TASP1: variants seen among roughly 807,000 people sequenced by gnomAD.
TASP1 encodes the protein threonine aspartase 1.
A neutral mutation model predicts 56.6 loss-of-function variants in TASP1; 16 were observed. The observed-to-expected ratio is 0.28, with a 90% CI of 0.19 to 0.43. The LOEUF is 0.43. TASP1 is among the 20% of genes least tolerant of loss of function. The pLI is 1.00. For missense variants in TASP1, 393 were observed against 511.6 expected, an observed-to-expected ratio of 0.77 and a Z score of 2.24; for synonymous variants, 179 against 184.2, an observed-to-expected ratio of 0.97 and a Z score of 0.23.
the TASP1 span, among the ~76,000 whole-genome samples, chr20:13,304,246 A>G: frequency 6.6e-5 from 10 of 152,176 alleles, no homozygotes; most frequent in African/African-American, 2.4e-4. Flanking sequence ...GGGGTCCAGG[A>G]AGCAGAGATG....
At chr20:13,418,202 G>A (rs972598462) in intron 12 of TASP1, among the ~76,000 whole-genome samples, 3 of 152,086 alleles carry the variant, frequency 2.0e-5, no homozygotes, top group Non-Finnish European at 2.9e-5. Flanking sequence ...GTGAGCCACC[G>A]CACCCAGCCC....
the TASP1 span, among the ~76,000 whole-genome samples, chr20:13,362,833 A>ATATATATG: frequency 3.2e-5 from 4 of 126,086 alleles, no homozygotes; most frequent in Non-Finnish European, 6.6e-5. Context: ...ATATATATAT[A>ATATATATG]TATATTTGTC....
the TASP1 span, among the ~76,000 whole-genome samples, chr20:13,339,131 C>T: frequency 6.6e-6 from 1 of 152,128 alleles, no homozygotes. Context: ...GAGTTGAACA[C>T]GAGGTCACAT....
chr20:13,476,068 G>A (rs996450329), intron 11 of TASP1, among the ~76,000 whole-genome samples: 6 of 152,228 alleles, frequency 3.9e-5, no homozygotes, highest in South Asian at 4.1e-4. Context: ...GCAGTGTGCC[G>A]AGATCACGCC....
At chr20:13,463,273 G>A (rs2044123519) in intron 11 of TASP1, among the ~76,000 whole-genome samples, 1 of 152,154 alleles carries the variant, frequency 6.6e-6, no homozygotes, top group African/African-American at 2.4e-5. Context: ...GGAAAGGATA[G>A]TCTTTTTCGA....
chr20:13,266,904 C>T, the TASP1 span, among the ~76,000 whole-genome samples: 7 of 152,198 alleles, frequency 4.6e-5, no homozygotes, highest in African/African-American at 1.7e-4. Context: ...ATGTCCTCAA[C>T]CAGGACCTCC....
chr20:13,310,958 C>T, the TASP1 span, among the ~76,000 whole-genome samples: 1 of 152,200 alleles, frequency 6.6e-6, no homozygotes, highest in Non-Finnish European at 1.5e-5. Context: ...CTTTGGGAGG[C>T]TGAGGCGAGT....
the TASP1 span, among the ~76,000 whole-genome samples, chr20:13,364,467 G>T: frequency 2.0e-5 from 3 of 152,094 alleles, no homozygotes; most frequent in East Asian, 5.8e-4. Context: ...CATGGCCATG[G>T]CAGGAGTGGC....
intron 5 of TASP1, among the ~76,000 whole-genome samples, chr20:13,584,847 T>A (rs944410214): frequency 2.6e-5 from 4 of 152,130 alleles, no homozygotes; most frequent in African/African-American, 9.7e-5. Context: ...AAAACGCACA[T>A]GAAAAATAAA....
At chr20:13,349,469 G>A in the TASP1 span, among the ~76,000 whole-genome samples, 1 of 152,290 alleles carries the variant, frequency 6.6e-6, no homozygotes, top group East Asian at 1.9e-4. Context: ...CCATTTCACT[G>A]GGAGAATATT....
At chr20:13,367,722 G>A in the TASP1 span, among the ~76,000 whole-genome samples, 2 of 152,092 alleles carry the variant, frequency 1.3e-5, no homozygotes, top group African/African-American at 4.8e-5. Flanking sequence ...ATCTACAAGT[G>A]ACTATTTATT....
At chr20:13,449,271 A>G (rs190820796) in intron 11 of TASP1, among the ~76,000 whole-genome samples, 51 of 152,224 alleles carry the variant, frequency 3.4e-4, no homozygotes, top group African/African-American at 1.2e-3. Context: ...TGTCTCCACC[A>G]ATCACTGCCT....
At chr20:13,577,623 C>G (rs1351032277) in intron 6 of TASP1, among the ~76,000 whole-genome samples, 1 of 152,086 alleles carries the variant, frequency 6.6e-6, no homozygotes, top group Non-Finnish European at 1.5e-5. Flanking sequence ...TCAACAACCC[C>G]TTCCCTACAC....
the TASP1 span, among the ~76,000 whole-genome samples, chr20:13,305,779 A>G: frequency 6.6e-6 from 1 of 152,228 alleles, no homozygotes; most frequent in South Asian, 2.1e-4. Context: ...CGAATTTATG[A>G]GACTAGCAAT....
the TASP1 span, among the ~76,000 whole-genome samples, chr20:13,148,249 G>T: frequency 6.8e-6 from 1 of 146,008 alleles, no homozygotes; most frequent in Non-Finnish European, 1.6e-5. Context: ...TTCTTCCCCT[G>T]ACCCAGCTGG....
the TASP1 span, among the ~76,000 whole-genome samples, chr20:13,331,348 G>T: frequency 6.6e-6 from 1 of 152,146 alleles, no homozygotes; most frequent in Non-Finnish European, 1.5e-5. Flanking sequence ...GTGTCCTCCA[G>T]ATTCAAGACA....
the TASP1 span, chr20:13,221,754 C>A: frequency 7.0e-7 from 1 of 1,422,902 alleles, no homozygotes; most frequent in Non-Finnish European, 9.2e-7. Context: ...GCGCCGGGTC[C>A]TAAAGCCGCG....
chr20:13,324,175 G>A, the TASP1 span, among the ~76,000 whole-genome samples: 3 of 152,284 alleles, frequency 2.0e-5, no homozygotes, highest in East Asian at 5.8e-4. Flanking sequence ...GAATGCTTGT[G>A]TACCTGTTTA....
chr20:13,606,716 A>T (rs915492817), intron 4 of TASP1, among the ~76,000 whole-genome samples: 1 of 151,672 alleles, frequency 6.6e-6, no homozygotes, highest in Admixed American at 6.6e-5. Context: ...CTAAGGCAGT[A>T]GAATGGCGTG....
Sources: allele counts gnomAD v4.1 joint callset (sites outside exome capture counted in the v4.1 genomes callset), GRCh38; gene constraint gnomAD v4.1.1; transcripts MANE v1.5; gene names NCBI Gene and HGNC (gene_info 2026-07-23, HGNC 2026-07-21).